Variants in NAV2 observed in about 807,000 individuals in gnomAD.
NAV2 encodes neuron navigator 2.
A neutral mutation model predicts 223.2 loss-of-function variants in NAV2; 54 were observed. The ratio of observed to expected loss-of-function variants is 0.24; its 90% CI spans 0.19 to 0.30. The LOEUF is 0.30. NAV2 is among the 10% of genes least tolerant of loss of function. The probability of loss-of-function intolerance (pLI) is 1.00; values close to 1 mark genes in which losing one functional copy is unlikely to be tolerated. For synonymous variants in NAV2, 1,279 were observed against 1,239.3 expected (o/e 1.03, Z -0.67); for missense variants, 2,806 against 3,147.5 (o/e 0.89, Z 2.60).
chr11:19,890,393 C>T (rs553018755), intron 5 of NAV2, among the ~76,000 whole-genome samples: 1 of 152,298 alleles, frequency 6.6e-6, no homozygotes, highest in Admixed American at 6.5e-5. Context: ...GTGGTTCAGC[C>T]TAGGGTCAGC....
chr11:19,390,575 G>A (rs1160370414), intron 1 of NAV2, among the ~76,000 whole-genome samples: 1 of 152,152 alleles, frequency 6.6e-6, no homozygotes, highest in Non-Finnish European at 1.5e-5. Context: ...GTTTCAGTTG[G>A]GGGGAATGAA....
intron 3 of NAV2, among the ~76,000 whole-genome samples, chr11:19,851,339 G>A (rs1922394): frequency 0.16 from 23,732 of 152,180 alleles, 1,943 homozygotes; most frequent in African/African-American, 0.2. Context: ...TGGAAAGGCA[G>A]ACATTCCATT....
At chr11:20,052,123 A>G (rs956708865) in intron 17 of NAV2, among the ~76,000 whole-genome samples, 10 of 152,222 alleles carry the variant, frequency 6.6e-5, no homozygotes, top group Non-Finnish European at 1.2e-4. Flanking sequence ...TCTAAACACC[A>G]CATGCCCTGT....
At chr11:19,841,829 T>TCATGA (rs1162890791) in intron 2 of NAV2, among the ~76,000 whole-genome samples, 1 of 152,232 alleles carries the variant, frequency 6.6e-6, no homozygotes, top group African/African-American at 2.4e-5. Flanking sequence ...ATTATTGGGT[T>TCATGA]CATGATACTA....
intron 1 of NAV2, among the ~76,000 whole-genome samples, chr11:19,701,651 T>C (rs531731852): frequency 6.6e-6 from 1 of 152,374 alleles, no homozygotes; most frequent in South Asian, 2.1e-4. Flanking sequence ...ATGTCTAAAA[T>C]TCTTGTGCAA....
intron 11 of NAV2, among the ~76,000 whole-genome samples, chr11:20,026,959 T>C (rs1307331352): frequency 1.3e-5 from 2 of 152,204 alleles, no homozygotes; most frequent in Non-Finnish European, 2.9e-5. Flanking sequence ...TATCAGAGTT[T>C]GGAGGATTAA....
chr11:19,440,011 G>A (rs940884434), intron 1 of NAV2, among the ~76,000 whole-genome samples: 2 of 152,114 alleles, frequency 1.3e-5, no homozygotes, highest in African/African-American at 4.8e-5. Flanking sequence ...TCAGCAAAAC[G>A]CCCATGTATT....
At chr11:19,589,382 G>A (rs575798553) in intron 1 of NAV2, among the ~76,000 whole-genome samples, 4 of 152,296 alleles carry the variant, frequency 2.6e-5, no homozygotes, top group South Asian at 4.1e-4. Context: ...TCAATCAGTG[G>A]TTACAATTCG....
chr11:19,575,395 T>C (rs959119477), intron 1 of NAV2: 19 of 154,238 alleles, frequency 1.2e-4, no homozygotes, highest in Middle Eastern at 1.2e-3. Context: ...TCAGCTCTCC[T>C]TCTAAGCCTG....
intron 10 of NAV2, among the ~76,000 whole-genome samples, chr11:19,975,175 C>A (rs1180986417): frequency 6.6e-6 from 1 of 152,246 alleles, no homozygotes; most frequent in Non-Finnish European, 1.5e-5. Context: ...TCCACACTGA[C>A]AGTTGAACCA....
At chr11:19,631,607 C>G (rs1156895488) in intron 1 of NAV2, among the ~76,000 whole-genome samples, 1 of 152,216 alleles carries the variant, frequency 6.6e-6, no homozygotes, top group Non-Finnish European at 1.5e-5. Flanking sequence ...ACTTTCTCAT[C>G]TAGCTAAAGG....
In NAV2 at chr11:20,018,878, G is replaced by A. The variant is rs556637823; in HGVS notation, c.2769-17081G>A. ...CCAACATCTGACCCGTGAGAAGTGGGCCGCCAGTGGGAGACATGGGGAGGA... is the reference window on the plus strand; with the variant it reads ...CCAACATCTGACCCGTGAGAAGTGGACCGCCAGTGGGAGACATGGGGAGGA... On this transcript the variant is annotated intron_variant, in intron 11 of 37. Coordinates refer to ENST00000349880, the MANE Select transcript of NAV2 (RefSeq NM_145117.5). Among the ~76,000 whole-genome samples, 8 of 152,286 alleles carry A rather than the reference G, an allele frequency of 5.3e-5. No homozygotes were observed. The South Asian group carries it at 1.5e-3, about 28-fold the overall frequency.
At chr11:20,036,120 G>A (rs1456627336) in intron 12 of NAV2, 23 bp downstream of exon 12, 1 of 1,613,872 alleles carries the variant, frequency 6.2e-7, no homozygotes, top group Non-Finnish European at 8.5e-7. Context: ...GGCCCTCCCA[G>A]GCTCCTCCAG....
At chr11:19,874,506 G>A (rs550880847) in intron 4 of NAV2, among the ~76,000 whole-genome samples, 5 of 152,158 alleles carry the variant, frequency 3.3e-5, no homozygotes, top group Non-Finnish European at 7.3e-5. Flanking sequence ...AAAGCCTTGG[G>A]GAATGTCATG....
Position 19,934,069 on chromosome 11 carries a change from C to T in NAV2, c.1825C>T (p.His609Tyr). 3 of 1,608,374 alleles carry T rather than the reference C, an allele frequency of 1.9e-6. No individual in the cohort carries two copies. Among genetic ancestry groups the T allele is most frequent in the South Asian group, 1.1e-5 (1 of 90,320 alleles). Reference sequence around the variant, plus strand: ...GCAGAAGCCCCAGCTGGACGGCAGACACTCCAGTTCCTCTTCCAGCCTGGC... The same window carrying T: ...GCAGAAGCCCCAGCTGGACGGCAGATACTCCAGTTCCTCTTCCAGCCTGGC... ...PQQKPQLDGR[H>Y]SSSSSSLASS... The change falls in exon 7 of 38, where the codon CAC (histidine) becomes TAC (tyrosine). Residue 609 changes from histidine (H) to tyrosine (Y), a missense_variant. Transcript: ENST00000349880.
At chr11:20,023,367 T>A (rs2054693673) in intron 11 of NAV2, among the ~76,000 whole-genome samples, 1 of 152,164 alleles carries the variant, frequency 6.6e-6, no homozygotes, top group African/African-American at 2.4e-5. Context: ...CTAACCTTGA[T>A]GGTTTCAGAG....
intron 3 of NAV2, among the ~76,000 whole-genome samples, chr11:19,853,688 G>T (rs558677306): frequency 2.0e-5 from 3 of 151,772 alleles, no homozygotes; most frequent in Admixed American, 2.0e-4. Context: ...CTGTGCATGT[G>T]GTCATGATCT....
intron 10 of NAV2, among the ~76,000 whole-genome samples, chr11:19,971,948 C>T (rs560258264): frequency 6.6e-6 from 1 of 152,288 alleles, no homozygotes; most frequent in African/African-American, 2.4e-5. Context: ...GGTGATCCAC[C>T]CACGTTGGCC....
At chr11:19,697,296 G>T (rs927446505) in intron 1 of NAV2, among the ~76,000 whole-genome samples, 2 of 152,060 alleles carry the variant, frequency 1.3e-5, no homozygotes, top group Non-Finnish European at 2.9e-5. Context: ...GGAGGGAGGT[G>T]GGCATGGGCT....
Sources: allele counts gnomAD v4.1 joint callset (sites outside exome capture counted in the v4.1 genomes callset), GRCh38; gene constraint gnomAD v4.1.1; transcripts MANE v1.5; gene names NCBI Gene and HGNC (gene_info 2026-07-23, HGNC 2026-07-21).